Variants in PLEKHM3 observed in about 807,000 individuals in gnomAD.
PLEKHM3 encodes pleckstrin homology domain containing M3, also known as pleckstrin homology domain-containing family M member 3.
A neutral mutation model predicts 81.8 loss-of-function variants in PLEKHM3; 45 were observed. The observed-to-expected ratio is 0.55, with a 90% CI of 0.43 to 0.71. PLEKHM3 has a LOEUF of 0.71. Among genes scored for constraint, PLEKHM3 ranks in the 30% least tolerant of loss-of-function variants. The pLI is 0.00. For missense variants in PLEKHM3, 788 were observed against 924.3 expected, an observed-to-expected ratio of 0.85 and a Z score of 1.91; for synonymous variants, 352 against 356.4, an observed-to-expected ratio of 0.99 and a Z score of 0.14.
chr2:208,021,378 TC>T (rs1441418795), intron 1 of PLEKHM3, among the ~76,000 whole-genome samples: 2 of 152,250 alleles, frequency 1.3e-5, no homozygotes, highest in Non-Finnish European at 2.9e-5. Flanking sequence ...TATATGACAT[TC>T]AGCGATCCTT....
At chr2:207,974,177 A>T (rs1020197217) in intron 3 of PLEKHM3, among the ~76,000 whole-genome samples, 2 of 152,206 alleles carry the variant, frequency 1.3e-5, no homozygotes, top group African/African-American at 4.8e-5. Flanking sequence ...AGAAATTTCT[A>T]TTCCTGCCCA....
chr2:207,988,082 C>T (rs1691785485), intron 2 of PLEKHM3, among the ~76,000 whole-genome samples: 1 of 152,204 alleles, frequency 6.6e-6, no homozygotes, highest in Admixed American at 6.5e-5. Flanking sequence ...TTCTTTTATT[C>T]ACTTCAGTGG....
At chr2:207,966,831 G>A (rs11674933) in intron 3 of PLEKHM3, among the ~76,000 whole-genome samples, 73,209 of 151,984 alleles carry the variant, frequency 0.48, 21,449 homozygotes, top group Non-Finnish European at 0.65. Flanking sequence ...GGGATTACAG[G>A]CGTGAGCCAC....
rs1001004216 is a variant in PLEKHM3, at chr2:207,843,459, T to C, written c.2109-14963A>G. 1.3e-5 allele frequency among the ~76,000 whole-genome samples: 2 copies of C among 152,222 alleles called. No homozygotes were observed. The highest frequency in any genetic ancestry group is 2.4e-5 in the African/African-American group (1 of 41,456). ...ACTTTTAAACAGTATATCTTAAATG[T>C]GCTTTCAGGGAAGCCAGAGGAAGGG... is the stretch of plus-strand genomic sequence containing the variant. On this transcript the variant is annotated intron_variant, in intron 7 of 7. Coordinates refer to ENST00000427836, the MANE Select transcript of PLEKHM3 (RefSeq NM_001080475.3). This position sits in a 1 kb window ranked among gnomAD's most constrained non-coding sequence, Gnocchi z 4.4.
chr2:207,848,894 A>T (rs902756922), intron 7 of PLEKHM3, among the ~76,000 whole-genome samples: 2 of 152,196 alleles, frequency 1.3e-5, no homozygotes, highest in Non-Finnish European at 2.9e-5. Context: ...GTTTCATGGG[A>T]GGCTGCCTTT....
In PLEKHM3 at chr2:207,840,974, TATTTTTA is replaced by T. The variant is rs1311895740; in HGVS notation, c.2109-12485_2109-12479del. On this transcript the variant is annotated intron_variant, in intron 7 of 7. Transcript: ENST00000427836. ...TGCCACCATGCTTGGCTAATTTTTA[TATTTTTA>T]ATTTTTAATTTTTATATTTTAAAGA... Among the ~76,000 whole-genome samples the T allele has an allele frequency of 4.0e-5, 6 of 151,476 alleles. No individual in the cohort carries two copies. The South Asian group carries it at 1.0e-3, about 26-fold the overall frequency.
chr2:207,862,681 T>C (rs559035564), intron 6 of PLEKHM3, among the ~76,000 whole-genome samples: 4 of 152,086 alleles, frequency 2.6e-5, no homozygotes, highest in African/African-American at 7.2e-5. Context: ...CTGAGGGAAA[T>C]GTAGTATAAA....
chr2:207,987,866 A>G (rs1691778816), intron 2 of PLEKHM3, among the ~76,000 whole-genome samples: 1 of 151,908 alleles, frequency 6.6e-6, no homozygotes, highest in African/African-American at 2.4e-5. Flanking sequence ...GTTTCACTGG[A>G]CTCCTAGCTT....
At position 207,930,930 on chromosome 2, in the gene PLEKHM3, G is replaced by A. The variant is rs756694614; in HGVS notation, c.1882C>T (p.Arg628Cys). The A allele has an allele frequency of 6.2e-6, 10 of 1,612,568 alleles. No homozygotes were observed. The East Asian group carries it at 8.9e-5, about 14-fold the overall frequency. The change falls in exon 5 of 8, where the codon CGC becomes TGC. Residue 628 changes from arginine to cysteine, a missense_variant. Arg to Cys is a radical substitution (Grantham distance 180, BLOSUM62 -3). Coordinates refer to ENST00000427836, the MANE Select transcript of PLEKHM3 (RefSeq NM_001080475.3). ...TCTGAGATTTATGACTCTTACCTGC[G>A]GCGGAGATCCTCTGCCACCGCTGCC... ...CRAAVAEDLR[R>C]RIFPREYLLQ... is the part of the protein sequence containing the mutation.
chr2:207,894,535 A>G (rs962378812), intron 6 of PLEKHM3, among the ~76,000 whole-genome samples: 1 of 119,692 alleles, frequency 8.4e-6, no homozygotes, highest in Non-Finnish European at 1.6e-5. Context: ...CAGTGGAAAG[A>G]CATGGTAGAG....
intron 7 of PLEKHM3, among the ~76,000 whole-genome samples, chr2:207,842,060 C>T (rs983824846): frequency 6.6e-6 from 1 of 152,166 alleles, no homozygotes; most frequent in African/African-American, 2.4e-5. Context: ...GCCTCAGCCT[C>T]CCCAGTAGCT....
At chr2:207,878,122 G>A (rs915197791) in intron 6 of PLEKHM3, among the ~76,000 whole-genome samples, 2 of 151,992 alleles carry the variant, frequency 1.3e-5, no homozygotes, top group African/African-American at 4.8e-5. Flanking sequence ...AAATTTTTTG[G>A]AGATAAGGTC....
At chr2:207,934,928 C>T (rs573397937) in intron 4 of PLEKHM3, among the ~76,000 whole-genome samples, 4 of 152,222 alleles carry the variant, frequency 2.6e-5, no homozygotes, top group South Asian at 4.2e-4. Flanking sequence ...TGCTCCCCCA[C>T]AAAAATAGCC....
intron 7 of PLEKHM3, among the ~76,000 whole-genome samples, chr2:207,842,699 G>A (rs2092361223): frequency 6.6e-6 from 1 of 152,104 alleles, no homozygotes; most frequent in Non-Finnish European, 1.5e-5. Context: ...GGTAAATGTT[G>A]GATGGAACCG....
chr2:207,882,069 C>T (rs2092594381), intron 6 of PLEKHM3, among the ~76,000 whole-genome samples: 1 of 152,160 alleles, frequency 6.6e-6, no homozygotes, highest in Non-Finnish European at 1.5e-5. Flanking sequence ...AGTGGTTCTG[C>T]CTTTAAACTC....
intron 7 of PLEKHM3, among the ~76,000 whole-genome samples, chr2:207,858,135 TATGTG>T: frequency 7.5e-6 from 1 of 133,708 alleles, no homozygotes; most frequent in Non-Finnish European, 1.6e-5. Context: ...TTCATATAGA[TATGTG>T]TGTGTGTGTG....
intron 6 of PLEKHM3, among the ~76,000 whole-genome samples, chr2:207,872,608 G>C (rs1202784147): frequency 6.6e-6 from 1 of 152,120 alleles, no homozygotes; most frequent in Non-Finnish European, 1.5e-5. Flanking sequence ...GAGGCTGAGG[G>C]GGATGGATCA....
At chr2:207,923,826 T>C (rs1450462656) in intron 5 of PLEKHM3, among the ~76,000 whole-genome samples, 1 of 134,142 alleles carries the variant, frequency 7.5e-6, no homozygotes, top group Non-Finnish European at 1.6e-5. Flanking sequence ...TGGATATATA[T>C]ACATACATAT....
chr2:207,831,421 T>C (rs1055127739), intron 7 of PLEKHM3, among the ~76,000 whole-genome samples: 3 of 152,132 alleles, frequency 2.0e-5, no homozygotes, highest in African/African-American at 2.4e-5. Flanking sequence ...AGCCATCGCA[T>C]AGGGAAACGT....
Sources: gnomAD v4.1 joint callset for allele counts (sites outside exome capture counted in the v4.1 genomes callset) on GRCh38, gnomAD v4.1.1 for gene constraint, Gnocchi (gnomAD v3.1) non-coding constraint, MANE v1.5 for transcripts, NCBI Gene and HGNC (gene_info 2026-07-23, HGNC 2026-07-21) for gene names.